FAM163A: variants seen among roughly 807,000 people sequenced by gnomAD.
FAM163A encodes the protein family with sequence similarity 163 member A, also known as protein FAM163A.
A neutral mutation model predicts 12.0 loss-of-function variants in FAM163A; 7 were observed. The observed-to-expected ratio is 0.58, with a 90% CI of 0.33 to 1.10. The LOEUF (loss-of-function observed/expected upper bound fraction) is 1.10, where lower values mean the gene tolerates loss of function less well. Among genes scored for constraint, FAM163A ranks in the 50% least tolerant of loss-of-function variants. FAM163A has a pLI of 0.03. For synonymous variants in FAM163A, 101 were observed against 91.0 expected (o/e 1.11, Z -0.62); for missense variants, 202 against 218.6 (o/e 0.92, Z 0.48).
chr1:179,774,414 G>A (rs1688671062), intron 1 of FAM163A, among the ~76,000 whole-genome samples: 1 of 152,202 alleles, frequency 6.6e-6, no homozygotes, highest in Non-Finnish European at 1.5e-5. Flanking sequence ...GAGCTTTAGG[G>A]GTTTCATGAA....
At chr1:179,811,312 G>T (rs1433483379) in intron 2 of FAM163A, among the ~76,000 whole-genome samples, 1 of 152,176 alleles carries the variant, frequency 6.6e-6, no homozygotes, top group African/African-American at 2.4e-5. Flanking sequence ...GGGAAGGTTT[G>T]TTAGGAAACC....
At chr1:179,770,158 G>A (rs1270943975) in intron 1 of FAM163A, among the ~76,000 whole-genome samples, 2 of 151,760 alleles carry the variant, frequency 1.3e-5, no homozygotes, top group East Asian at 3.9e-4. Flanking sequence ...GCCTGCCTTG[G>A]CCTCTCAAAG....
intron 1 of FAM163A, among the ~76,000 whole-genome samples, chr1:179,755,802 T>C (rs1298213213): frequency 1.3e-5 from 2 of 151,986 alleles, no homozygotes; most frequent in Non-Finnish European, 2.9e-5. Flanking sequence ...GGATTCAAGG[T>C]CTCCGAACTT....
chr1:179,739,050 A>T (rs568439175), upstream of FAM163A, among the ~76,000 whole-genome samples: 3 of 152,302 alleles, frequency 2.0e-5, no homozygotes, highest in African/African-American at 7.2e-5. Flanking sequence ...ACAAAGGTGC[A>T]AAAGCAATTA....
At chr1:179,730,856 G>T in the FAM163A span, among the ~76,000 whole-genome samples, 1 of 152,208 alleles carries the variant, frequency 6.6e-6, no homozygotes, top group African/African-American at 2.4e-5. Context: ...CTCAAAATCA[G>T]TGTTGGTAGG....
At chr1:179,766,670 C>T (rs7544925) in intron 1 of FAM163A, among the ~76,000 whole-genome samples, 17,329 of 152,146 alleles carry the variant, frequency 0.11, 1,094 homozygotes, top group Non-Finnish European at 0.13. Context: ...CTCCTTACAC[C>T]CCACAGCATA....
chr1:179,800,313 C>A (rs767329888), intron 1 of FAM163A, among the ~76,000 whole-genome samples: 1 of 152,226 alleles, frequency 6.6e-6, no homozygotes, highest in African/African-American at 2.4e-5. Flanking sequence ...TTTTGTGTCA[C>A]CCGAATCAGG....
chr1:179,740,011 A>C (rs895981357), upstream of FAM163A, among the ~76,000 whole-genome samples: 1 of 152,202 alleles, frequency 6.6e-6, no homozygotes, highest in Non-Finnish European at 1.5e-5. Flanking sequence ...CAGTCTCTTT[A>C]ACAACTAAGC....
At chr1:179,794,588 A>G (rs978500320) in intron 1 of FAM163A, among the ~76,000 whole-genome samples, 2 of 152,182 alleles carry the variant, frequency 1.3e-5, no homozygotes, top group Non-Finnish European at 2.9e-5. Context: ...AACAACACTA[A>G]TTTTAAAAAG....
intron 1 of FAM163A, among the ~76,000 whole-genome samples, chr1:179,780,796 G>T (rs950362322): frequency 6.6e-6 from 1 of 152,126 alleles, no homozygotes; most frequent in African/African-American, 2.4e-5. Flanking sequence ...ACAAAATAAG[G>T]TTCTTGACAT....
At chr1:179,809,714 T>C (rs1249318166) in intron 2 of FAM163A, among the ~76,000 whole-genome samples, 1 of 152,202 alleles carries the variant, frequency 6.6e-6, no homozygotes, top group Non-Finnish European at 1.5e-5. Flanking sequence ...AGTCCAAGCC[T>C]GTCTGTGGGG....
intron 1 of FAM163A, among the ~76,000 whole-genome samples, chr1:179,785,274 GT>G (rs1188011022): frequency 6.6e-6 from 1 of 152,150 alleles, no homozygotes; most frequent in African/African-American, 2.4e-5. Context: ...ACCATAAATT[GT>G]GGTCGACTAG....
At chr1:179,778,992 TC>T (rs1689359136) in intron 1 of FAM163A, among the ~76,000 whole-genome samples, 2 of 152,144 alleles carry the variant, frequency 1.3e-5, no homozygotes, top group South Asian at 4.2e-4. Context: ...TTAGATGTCA[TC>T]TCAGAGGCTG....
At chr1:179,766,975 C>T (rs1457441841) in intron 1 of FAM163A, among the ~76,000 whole-genome samples, 7 of 152,120 alleles carry the variant, frequency 4.6e-5, no homozygotes, top group Middle Eastern at 3.2e-3. Flanking sequence ...AGGCTGGTCT[C>T]GAGCTCCTGA....
At chr1:179,806,618 C>A (rs942940431) in intron 1 of FAM163A, among the ~76,000 whole-genome samples, 1 of 152,204 alleles carries the variant, frequency 6.6e-6, no homozygotes, top group Admixed American at 6.5e-5. Context: ...GCCCTGTCCC[C>A]TTGGGAAGGT....
At chr1:179,758,539 T>G (rs1300744058) in intron 1 of FAM163A, among the ~76,000 whole-genome samples, 3 of 152,192 alleles carry the variant, frequency 2.0e-5, no homozygotes, top group Non-Finnish European at 4.4e-5. Flanking sequence ...GTTGGCAAAT[T>G]TGTGTAGAGG....
At chr1:179,803,454 A>G (rs1254557541) in intron 1 of FAM163A, among the ~76,000 whole-genome samples, 1 of 152,084 alleles carries the variant, frequency 6.6e-6, no homozygotes, top group Non-Finnish European at 1.5e-5. Context: ...TACAGCAGAG[A>G]CCCCTGGTAT....
At chr1:179,763,959 A>T (rs1687145487) in intron 1 of FAM163A, among the ~76,000 whole-genome samples, 1 of 152,074 alleles carries the variant, frequency 6.6e-6, no homozygotes, top group Admixed American at 6.6e-5. Context: ...TCGGATGGGG[A>T]ACTGCTTTTA....
At position 179,810,262 on chromosome 1, in the gene FAM163A, C is replaced by A. The variant is rs563321650; in HGVS notation, c.-44-1848C>A. Among the ~76,000 whole-genome samples the A allele has an allele frequency of 3.3e-5, 5 of 152,146 alleles. No individual in the cohort carries two copies. In the South Asian group the frequency reaches 1.0e-3, roughly 32 times the overall value. On this transcript the variant is annotated intron_variant, in intron 2 of 4. Coordinates refer to ENST00000341785, the MANE Select transcript of FAM163A (RefSeq NM_173509.3). ...CCATGAAGGGCATTGCAATAGGAGC[C>A]CAGAAGTGAGAGAGCTTCAGGGCTG...
Sources: allele counts gnomAD v4.1 joint callset (sites outside exome capture counted in the v4.1 genomes callset), GRCh38; gene constraint gnomAD v4.1.1; transcripts MANE v1.5; gene names NCBI Gene and HGNC (gene_info 2026-07-23, HGNC 2026-07-21).